ELMO1: variants seen among roughly 807,000 people sequenced by gnomAD.
ELMO1 encodes the protein engulfment and cell motility protein 1.
In ELMO1, 26 loss-of-function variants were observed where a neutral mutation model predicts 98.9. That is an observed-to-expected ratio of 0.26 (90% CI 0.19 to 0.36). The LOEUF is 0.36. Among genes scored for constraint, ELMO1 ranks in the 10% least tolerant of loss-of-function variants. The pLI is 1.00. For synonymous variants in ELMO1, 346 were observed against 346.0 expected, an observed-to-expected ratio of 1.00 and a Z score of 0.00; for missense variants, 627 against 935.2, an observed-to-expected ratio of 0.67 and a Z score of 4.30.
rs116986629 is a variant in ELMO1 at position 37,078,447 on chromosome 7, T to A, written c.1300+18172A>T. ...TATTAATGATCCATCTATCTTAATATCTCCCTATATATGATCACCCCAAAT... is the reference window on the plus strand; with the variant it reads ...TATTAATGATCCATCTATCTTAATAACTCCCTATATATGATCACCCCAAAT... On this transcript the variant is annotated intron_variant, in intron 15 of 21. Coordinates refer to ENST00000310758, the MANE Select transcript of ELMO1 (RefSeq NM_014800.11). 8.9e-3 allele frequency among the ~76,000 whole-genome samples: 1,362 copies of A among 152,272 alleles called. 6 individuals carry two copies. The highest frequency in any genetic ancestry group is 0.014 in the Middle Eastern group (4 of 294).
intron 14 of ELMO1, among the ~76,000 whole-genome samples, chr7:37,101,340 CTAAG>C (rs1252400467): frequency 6.6e-6 from 1 of 152,166 alleles, no homozygotes; most frequent in African/African-American, 2.4e-5. Flanking sequence ...CCTGTTGTAA[CTAAG>C]TGAGTTACAG....
chr7:37,176,400 C>T (rs1394396727), intron 13 of ELMO1, among the ~76,000 whole-genome samples: 3 of 152,184 alleles, frequency 2.0e-5, no homozygotes, highest in Non-Finnish European at 2.9e-5. Context: ...TATAGCCTAA[C>T]GACCATGAAA....
At chr7:37,423,243 T>C (rs1481645419) in intron 1 of ELMO1, among the ~76,000 whole-genome samples, 1 of 152,220 alleles carries the variant, frequency 6.6e-6, no homozygotes, top group African/African-American at 2.4e-5. Context: ...ATTAAGTCTG[T>C]GTCTCTTTAC....
At chr7:37,438,369 C>A (rs935635831) in intron 1 of ELMO1, among the ~76,000 whole-genome samples, 1 of 148,726 alleles carries the variant, frequency 6.7e-6, no homozygotes, top group Admixed American at 6.8e-5. Context: ...AGGAGGATCA[C>A]GAGGTCAGGA....
chr7:37,233,063 A>G (rs765335855), intron 8 of ELMO1, 32 bp downstream of exon 8: 2 of 1,569,022 alleles, frequency 1.3e-6, no homozygotes, highest in Non-Finnish European at 8.7e-7. Flanking sequence ...GAAGACAGTA[A>G]GGAAAGCCTA....
At chr7:37,383,484 C>A (rs1400628987) in intron 1 of ELMO1, among the ~76,000 whole-genome samples, 1 of 152,204 alleles carries the variant, frequency 6.6e-6, no homozygotes, top group Non-Finnish European at 1.5e-5. Flanking sequence ...AAATTGTTAT[C>A]TTCCTGGTGA....
chr7:37,164,085 C>T (rs1467751460), intron 13 of ELMO1, among the ~76,000 whole-genome samples: 3 of 152,114 alleles, frequency 2.0e-5, no homozygotes, highest in African/African-American at 7.2e-5. Context: ...TCTCTGATGG[C>T]CAGTGATGAT....
rs574138938 is a variant in ELMO1, at chr7:36,944,333, C to T, written c.1438-49316G>A. ...ATCCTGAGAATCCAATTATCACCAT[C>T]TGTATTTTTAAAATGGAGAAGTTGA... On this transcript the variant is annotated intron_variant, in intron 16 of 21. Transcript: ENST00000310758. Among the ~76,000 whole-genome samples, 51 of 152,244 alleles carry T rather than the reference C, an allele frequency of 3.3e-4. 1 individual carries two copies. In the South Asian group the frequency reaches 0.01, roughly 31 times the overall value.
chr7:36,937,001 G>GT (rs1786591885), intron 16 of ELMO1, among the ~76,000 whole-genome samples: 4 of 152,014 alleles, frequency 2.6e-5, no homozygotes, highest in Admixed American at 2.6e-4. Context: ...AGTTTTATTC[G>GT]GGCACAGGGA....
chr7:36,976,506 T>C (rs918594037), intron 16 of ELMO1, among the ~76,000 whole-genome samples: 3 of 152,228 alleles, frequency 2.0e-5, no homozygotes, highest in African/African-American at 4.8e-5. Flanking sequence ...TTTTGATACA[T>C]AATTTCCAAA....
In ELMO1 at chr7:37,327,826, G is replaced by A. The variant is rs563068759; in HGVS notation, c.79-11866C>T. Among the ~76,000 whole-genome samples the A allele has an allele frequency of 5.3e-5, 8 of 152,188 alleles. No individual in the cohort carries two copies. In the East Asian group the frequency reaches 1.6e-3, roughly 30 times the overall value. ...CTCAGGCAGAACCTACAGCCCTGAA[G>A]AATAGTAACACAGGATTTTCAGGAA... On this transcript the variant is annotated intron_variant, in intron 2 of 21. Coordinates refer to ENST00000310758, the MANE Select transcript of ELMO1 (RefSeq NM_014800.11).
chr7:37,246,236 A>C (rs1041123079), intron 6 of ELMO1, among the ~76,000 whole-genome samples: 28 of 152,210 alleles, frequency 1.8e-4, no homozygotes, highest in African/African-American at 6.8e-4. Flanking sequence ...ATACATGTAG[A>C]AGAAATCATA....
At chr7:37,217,464 G>T (rs749452915) in intron 10 of ELMO1, among the ~76,000 whole-genome samples, 1 of 151,466 alleles carries the variant, frequency 6.6e-6, no homozygotes, top group Non-Finnish European at 1.5e-5. Context: ...ACACTTGACC[G>T]TTGTTTTGTG....
intron 15 of ELMO1, among the ~76,000 whole-genome samples, chr7:37,088,926 A>G (rs1025520445): frequency 1.3e-4 from 20 of 152,248 alleles, no homozygotes; most frequent in African/African-American, 4.6e-4. Context: ...GTAGAACGTG[A>G]AAATTCAGGG....
chr7:37,158,239 G>A (rs1051453483), intron 13 of ELMO1, among the ~76,000 whole-genome samples: 1 of 152,182 alleles, frequency 6.6e-6, no homozygotes, highest in Non-Finnish European at 1.5e-5. Context: ...TCAGGACATA[G>A]GCATTGGCAA....
intron 8 of ELMO1, among the ~76,000 whole-genome samples, chr7:37,228,915 C>A (rs893826115): frequency 2.3e-4 from 35 of 152,112 alleles, no homozygotes; most frequent in African/African-American, 8.5e-4. Flanking sequence ...TCGCGTGAAC[C>A]CAGGAGGCAG....
chr7:36,971,638 A>G (rs926685192), intron 16 of ELMO1, among the ~76,000 whole-genome samples: 7 of 152,192 alleles, frequency 4.6e-5, no homozygotes, highest in African/African-American at 1.7e-4. Context: ...TTATTTACTC[A>G]CTAAATTTAC....
At chr7:37,399,273 C>T (rs1399395012) in intron 1 of ELMO1, among the ~76,000 whole-genome samples, 1 of 152,200 alleles carries the variant, frequency 6.6e-6, no homozygotes, top group South Asian at 2.1e-4. Context: ...CAAATCTCTC[C>T]CGGGACTGGA....
At chr7:37,177,746 C>T (rs1330179561) in intron 13 of ELMO1, among the ~76,000 whole-genome samples, 1 of 152,182 alleles carries the variant, frequency 6.6e-6, no homozygotes, top group East Asian at 1.9e-4. Context: ...TCTGGCCCTT[C>T]TTTTCCTTGA....
Sources: gnomAD v4.1 joint callset for allele counts (sites outside exome capture counted in the v4.1 genomes callset) on GRCh38, gnomAD v4.1.1 for gene constraint, MANE v1.5 for transcripts, NCBI Gene and HGNC (gene_info 2026-07-23, HGNC 2026-07-21) for gene names.